The following GRAMD1B variants were observed in gnomAD, a reference collection of about 807,000 sequenced individuals.
GRAMD1B encodes the protein GRAM domain containing 1B.
GRAMD1B carries 37 observed loss-of-function variants against 99.7 expected under a neutral mutation model. That is an observed-to-expected ratio of 0.37 (90% CI 0.29 to 0.49). The LOEUF (loss-of-function observed/expected upper bound fraction) is 0.49, where lower values mean the gene tolerates loss of function less well. Among genes scored for constraint, GRAMD1B ranks in the 20% least tolerant of loss-of-function variants. GRAMD1B has a pLI of 0.98. For synonymous variants in GRAMD1B, 427 were observed against 387.6 expected, an observed-to-expected ratio of 1.10 and a Z score of -1.19; for missense variants, 888 against 1,009.2, an observed-to-expected ratio of 0.88 and a Z score of 1.63.
intron 1 of GRAMD1B, among the ~76,000 whole-genome samples, chr11:123,408,293 C>T (rs2135955619): frequency 6.6e-6 from 1 of 152,316 alleles, no homozygotes; most frequent in Middle Eastern, 3.4e-3. Context: ...TCTAACATGG[C>T]ATTACACTGG....
chr11:123,560,679 GGTGCGTGT>G (rs957874180), intron 2 of GRAMD1B: 6 of 435,870 alleles, frequency 1.4e-5, no homozygotes, highest in African/African-American at 9.3e-5. Flanking sequence ...GCTGACGCCT[GGTGCGTGT>G]GTGTGTGTGT....
chr11:123,365,556 C>G (rs1411591971), intron 1 of GRAMD1B, among the ~76,000 whole-genome samples: 1 of 152,144 alleles, frequency 6.6e-6, no homozygotes, highest in African/African-American at 2.4e-5. Flanking sequence ...CTGGCCTACC[C>G]TACATTTTCA....
At chr11:123,539,257 T>C (rs1269527118) in intron 2 of GRAMD1B, among the ~76,000 whole-genome samples, 1 of 151,808 alleles carries the variant, frequency 6.6e-6, no homozygotes, top group Non-Finnish European at 1.5e-5. Flanking sequence ...AACAATTGGG[T>C]CCAATTTTCA....
rs571280826 is a variant in GRAMD1B at position 123,504,602 on chromosome 11, C to T, written c.452+23709C>T. Among the ~76,000 whole-genome samples the T allele has an allele frequency of 6.6e-5, 10 of 152,286 alleles. No individual in the cohort carries two copies. The South Asian group carries it at 1.9e-3, about 28-fold the overall frequency. ...TCCCGCTGTGCTAGTTTTTCTTGTG[C>T]CAGGCAGCTTCTCTCCATCCACAGC... On this transcript the variant is annotated intron_variant, in intron 2 of 19. Coordinates refer to ENST00000635736, the MANE Select transcript of GRAMD1B (RefSeq NM_001387025.1).
chr11:123,598,676 A>C, intron 7 of GRAMD1B: 1 of 1,121,892 alleles, frequency 8.9e-7, no homozygotes, highest in South Asian at 1.2e-5. Context: ...ATCTGTCCAA[A>C]CCCAGAGAGG....
chr11:123,396,877 A>G (rs1591427977), intron 1 of GRAMD1B, among the ~76,000 whole-genome samples: 2 of 152,188 alleles, frequency 1.3e-5, no homozygotes, highest in Non-Finnish European at 2.9e-5. Flanking sequence ...TATTTATTGA[A>G]TATTTTGTGT....
chr11:123,541,360 T>C (rs1025229387), intron 2 of GRAMD1B, among the ~76,000 whole-genome samples: 1 of 152,196 alleles, frequency 6.6e-6, no homozygotes, highest in African/African-American at 2.4e-5. Context: ...CAGCAAGTCA[T>C]GAGTACTGGC....
chr11:123,621,053 C>T (rs538685423), intron 19 of GRAMD1B, among the ~76,000 whole-genome samples: 41 of 152,270 alleles, frequency 2.7e-4, no homozygotes, highest in African/African-American at 9.9e-4. Flanking sequence ...CTAGTGGACT[C>T]TACCCTACAA....
At chr11:123,403,789 C>T (rs149739909) in intron 1 of GRAMD1B, among the ~76,000 whole-genome samples, 1,627 of 152,124 alleles carry the variant, frequency 0.011, 23 homozygotes, top group African/African-American at 0.035. Flanking sequence ...GGTGATCTGC[C>T]CGCCTTGGCC....
intron 4 of GRAMD1B, among the ~76,000 whole-genome samples, chr11:123,590,873 C>T (rs79372675): frequency 6.9e-4 from 105 of 152,304 alleles, no homozygotes; most frequent in African/African-American, 2.4e-3. Flanking sequence ...TTCAGACCAA[C>T]GATGAGTCAC....
chr11:123,569,329 T>C (rs1379705150), intron 2 of GRAMD1B, among the ~76,000 whole-genome samples: 2 of 152,122 alleles, frequency 1.3e-5, no homozygotes, highest in Non-Finnish European at 2.9e-5. Flanking sequence ...GGTAGTTTGC[T>C]ATCTAAGGAG....
In GRAMD1B at chr11:123,606,636, G is replaced by A. The variant is rs771946953; in HGVS notation, c.1351G>A (p.Ala451Thr). 1.9e-6 allele frequency: 3 copies of A among 1,612,244 alleles called. No homozygotes were observed. The highest frequency in any genetic ancestry group is 2.5e-6 in the Non-Finnish European group (3 of 1,179,384). The change falls in exon 11 of 20, where the codon GCG (alanine) becomes ACG (threonine). Residue 451 changes from alanine to threonine, a missense_variant. By Grantham distance (58) the Ala-to-Thr change is moderately conservative (BLOSUM62 0). This residue lies in a region of GRAMD1B where 269 missense variants were observed against 296.6 expected (regional missense o/e 0.91). Coordinates refer to ENST00000635736, the MANE Select transcript of GRAMD1B (RefSeq NM_001387025.1). ...SFDGLPLEEE[A>T]LEGDGSLEKE... ...TGATGGGCTGCCCCTGGAGGAAGAG[G>A]CGCTGGAGGGAGACGGGTCCCTGGA...
chr11:123,449,187 A>G (rs1949770845), intron 1 of GRAMD1B, among the ~76,000 whole-genome samples: 1 of 152,218 alleles, frequency 6.6e-6, no homozygotes, highest in Admixed American at 6.5e-5. Flanking sequence ...TTTCTGAAGC[A>G]TCCTGCACTG....
chr11:123,388,920 C>T (rs748022510), intron 1 of GRAMD1B, among the ~76,000 whole-genome samples: 2 of 152,060 alleles, frequency 1.3e-5, no homozygotes, highest in South Asian at 2.1e-4. Context: ...TACAGCATCT[C>T]GAACAGACCA....
intron 7 of GRAMD1B, chr11:123,598,149 C>T: frequency 6.4e-7 from 1 of 1,572,820 alleles, no homozygotes. Flanking sequence ...CACCTCATGC[C>T]ATGCCATGAG....
chr11:123,448,784 TCTCC>T (rs1565507201), intron 1 of GRAMD1B, among the ~76,000 whole-genome samples: 1 of 152,210 alleles, frequency 6.6e-6, no homozygotes, highest in Admixed American at 6.5e-5. Flanking sequence ...ACGAGGCTTC[TCTCC>T]CTCCAAGCAA....
chr11:123,470,510 C>CTT (rs61137951), intron 1 of GRAMD1B, among the ~76,000 whole-genome samples: 2 of 102,706 alleles, frequency 1.9e-5, no homozygotes, highest in South Asian at 3.5e-4. Flanking sequence ...TTCTTTCTTT[C>CTT]TTTTTTTTTT....
chr11:123,365,278 G>A (rs1046829378), intron 1 of GRAMD1B, among the ~76,000 whole-genome samples: 7 of 147,710 alleles, frequency 4.7e-5, no homozygotes, highest in South Asian at 2.1e-4. Flanking sequence ...TTTTAACAGC[G>A]TCTCACACCG....
At chr11:123,513,065 C>T (rs1941201924) in intron 2 of GRAMD1B, among the ~76,000 whole-genome samples, 1 of 152,190 alleles carries the variant, frequency 6.6e-6, no homozygotes, top group African/African-American at 2.4e-5. Flanking sequence ...TGCATAAAAG[C>T]AGCTTGTAAG....
Sources: allele counts gnomAD v4.1 joint callset (sites outside exome capture counted in the v4.1 genomes callset), GRCh38; gene constraint gnomAD v4.1.1; regional missense constraint gnomAD v4.1.1; transcripts MANE v1.5; gene names NCBI Gene and HGNC (gene_info 2026-07-23, HGNC 2026-07-21).